Variants in ANO4 observed in about 807,000 individuals in gnomAD.
ANO4 encodes anoctamin 4.
A neutral mutation model predicts 141.9 loss-of-function variants in ANO4; 69 were observed. The observed-to-expected ratio is 0.49, with a 90% confidence interval of 0.40 to 0.59. The LOEUF (loss-of-function observed/expected upper bound fraction) is 0.59. Ranked by LOEUF, ANO4 falls within the 20% of genes least tolerant of loss-of-function variation. The pLI is 0.00. For missense variants in ANO4, 894 were observed against 1,162.2 expected, an observed-to-expected ratio of 0.77 and a Z score of 3.36; for synonymous variants, 350 against 394.3, an observed-to-expected ratio of 0.89 and a Z score of 1.33.
intron 1 of ANO4, among the ~76,000 whole-genome samples, chr12:100,719,718 A>T (rs77592636): frequency 6.6e-6 from 1 of 152,210 alleles, no homozygotes; most frequent in Admixed American, 6.5e-5. Flanking sequence ...AATTTGGCTT[A>T]TGTAGGCATT....
chr12:100,768,853 G>A (rs1456897667), intron 3 of ANO4, among the ~76,000 whole-genome samples: 1 of 152,204 alleles, frequency 6.6e-6, no homozygotes, highest in African/African-American at 2.4e-5. Context: ...GAGTGTGGGT[G>A]TAGAATTAAG....
chr12:100,783,040 T>G (rs1395131744), intron 3 of ANO4, among the ~76,000 whole-genome samples: 2 of 152,208 alleles, frequency 1.3e-5, no homozygotes, highest in African/African-American at 4.8e-5. Context: ...GCTCCGAGGT[T>G]GGAGGCTTCT....
chr12:101,066,452 C>G (rs959817308), intron 14 of ANO4, among the ~76,000 whole-genome samples: 2 of 152,216 alleles, frequency 1.3e-5, no homozygotes, highest in African/African-American at 4.8e-5. Flanking sequence ...AGTAGCATTT[C>G]TATATGCCAG....
intron 3 of ANO4, among the ~76,000 whole-genome samples, chr12:100,923,882 G>A (rs2041749720): frequency 6.6e-6 from 1 of 152,090 alleles, no homozygotes; most frequent in African/African-American, 2.4e-5. Context: ...TTTCTCTGAT[G>A]GCCAGTGATG....
chr12:100,930,068 A>G (rs2042027426), intron 3 of ANO4, among the ~76,000 whole-genome samples: 1 of 151,992 alleles, frequency 6.6e-6, no homozygotes, highest in Non-Finnish European at 1.5e-5. Context: ...CTCCATATAT[A>G]TTTTGGTTAT....
intron 8 of ANO4, among the ~76,000 whole-genome samples, chr12:101,005,237 C>G (rs2045823350): frequency 6.6e-6 from 1 of 152,134 alleles, no homozygotes; most frequent in Admixed American, 6.5e-5. Flanking sequence ...TTAGCTTATT[C>G]TAAATTGGAT....
rs748344727 is a variant in ANO4, at chr12:101,059,662, T to C, written c.1312+11261T>C. On this transcript the variant is annotated intron_variant, in intron 14 of 27. Transcript: ENST00000392977. ...ATTTCTTCTAGATTTTCTAGTTTCT[T>C]TGTGTAGAGGTGTTTATAGTATTCT... 5.8e-4 allele frequency among the ~76,000 whole-genome samples: 89 copies of C among 152,342 alleles called. 1 individual carries two copies. The highest frequency in any genetic ancestry group is 1.1e-3 in the Non-Finnish European group (77 of 68,030).
chr12:101,123,069 A>G (rs1352442440), intron 26 of ANO4, among the ~76,000 whole-genome samples: 1 of 152,186 alleles, frequency 6.6e-6, no homozygotes, highest in African/African-American at 2.4e-5. Flanking sequence ...CTTGTCACAT[A>G]TATTAAAGCC....
At chr12:101,105,548 C>T (rs1038575772) in intron 22 of ANO4, among the ~76,000 whole-genome samples, 3 of 152,124 alleles carry the variant, frequency 2.0e-5, no homozygotes, top group African/African-American at 4.8e-5. Flanking sequence ...TCTAGAGCCT[C>T]TACATGTGTG....
In ANO4 at chr12:100,806,524, G is replaced by GTTTTTTTTTTTTTTTTT. The variant is rs763949654; in HGVS notation, c.-141+11517_-141+11533dup. ...TTTTAGGAGGTTTTTTTTTTGTTTCGTTTTTTTTTTTTTTTTTTTTTTTTT... is the reference window on the plus strand; with the variant it reads ...TTTTAGGAGGTTTTTTTTTTGTTTCGTTTTTTTTTTTTTTTTTTTTTTTTTTTTTTTTTTTTTTTTTT... On this transcript the variant is annotated intron_variant, in intron 1 of 27. Transcript: ENST00000392977. Among the ~76,000 whole-genome samples, 221 of 59,860 alleles carry GTTTTTTTTTTTTTTTTT rather than the reference G, an allele frequency of 3.7e-3. 62 individuals carry two copies. The highest frequency in any genetic ancestry group is 5.0e-3 in the Non-Finnish European group (156 of 30,950). 39.3% of individuals were successfully genotyped at this position (59,860 alleles called of 152,430 possible).
intron 7 of ANO4, among the ~76,000 whole-genome samples, chr12:100,977,141 T>G (rs959006972): frequency 1.1e-4 from 16 of 152,224 alleles, no homozygotes; most frequent in African/African-American, 3.9e-4. Context: ...CTATTAATAC[T>G]TATTACATGT....
At chr12:100,862,541 C>G (rs1230460850) in intron 1 of ANO4, among the ~76,000 whole-genome samples, 2 of 152,128 alleles carry the variant, frequency 1.3e-5, no homozygotes, top group Non-Finnish European at 2.9e-5. Context: ...AGGCTGGTCT[C>G]AAACTCCTGA....
chr12:101,094,243 A>G lies in ANO4; in HGVS notation c.1702-13A>G. 1 of 1,606,842 alleles carries G rather than the reference A, an allele frequency of 6.2e-7. No homozygotes were observed. Among genetic ancestry groups the G allele is most frequent in the Non-Finnish European group, 8.5e-7 (1 of 1,174,236 alleles). On this transcript the variant is annotated splice_polypyrimidine_tract_variant and intron_variant, in intron 17 of 27. Coordinates refer to ENST00000392977, the MANE Select transcript of ANO4 (RefSeq NM_001286615.2). ...GCAGTTCATTTATTAAATGCATGAA[A>G]TTTATTTTACAGCTCTATGAAAAAG...
rs762347049 is a variant in ANO4 at position 100,987,493 on chromosome 12, T to G, written c.603-46T>G. On this transcript the variant is annotated intron_variant, in intron 7 of 27. Transcript: ENST00000392977. ...GACCTTCCTCCTGTGTTTCAGGGCA[T>G]TGCTGACATGCTGTACCCTTTGGTC... is the stretch of plus-strand genomic sequence containing the variant. The G allele has an allele frequency of 1.4e-5, 23 of 1,598,314 alleles. No homozygotes were observed. The South Asian group carries it at 2.6e-4, about 18-fold the overall frequency.
At chr12:100,830,910 A>G (rs1401752702) in intron 1 of ANO4, among the ~76,000 whole-genome samples, 1 of 152,118 alleles carries the variant, frequency 6.6e-6, no homozygotes, top group East Asian at 1.9e-4. Context: ...TTTAATGAGT[A>G]TACCATAAGC....
At chr12:100,975,949 A>C (rs1592897902) in intron 7 of ANO4, among the ~76,000 whole-genome samples, 1 of 146,018 alleles carries the variant, frequency 6.8e-6, no homozygotes, top group South Asian at 2.2e-4. Flanking sequence ...AAAAAAGAAA[A>C]AAAAAACCCA....
intron 9 of ANO4, among the ~76,000 whole-genome samples, chr12:101,021,120 G>A (rs1291509306): frequency 6.6e-6 from 1 of 152,216 alleles, no homozygotes; most frequent in Admixed American, 6.5e-5. Context: ...AGATCCTGCT[G>A]GAAGAGGTAC....
At position 101,074,706 on chromosome 12, in the gene ANO4, G is replaced by A. The variant is rs539106514; in HGVS notation, c.1313-4487G>A. On this transcript the variant is annotated intron_variant, in intron 14 of 27. Transcript: ENST00000392977. ...AAGAGAAGCATAATAAGCTTCAAAC[G>A]TTGATACTATTATTAAGTTATTTAA... Among the ~76,000 whole-genome samples, 71 of 152,238 alleles carry A rather than the reference G, an allele frequency of 4.7e-4. No homozygotes were observed. In the South Asian group the frequency reaches 5.6e-3, roughly 12 times the overall value.
chr12:101,094,179 C>A, intron 17 of ANO4, 77 bp from the exon 18 acceptor site: 2 of 1,134,542 alleles, frequency 1.8e-6, no homozygotes, highest in Non-Finnish European at 2.6e-6. Flanking sequence ...CGTGATTTGA[C>A]TCCCTATTTC....
Sources: allele counts gnomAD v4.1 joint callset (sites outside exome capture counted in the v4.1 genomes callset), GRCh38; gene constraint gnomAD v4.1.1; transcripts MANE v1.5; gene names NCBI Gene and HGNC (gene_info 2026-07-23, HGNC 2026-07-21).